DNAH3: variants seen among roughly 807,000 people sequenced by gnomAD.
DNAH3 encodes the protein dynein axonemal heavy chain 3.
Under a neutral mutation model 432.5 loss-of-function variants are expected in DNAH3, and 332 were observed. The ratio of observed to expected loss-of-function variants is 0.77; its 90% CI spans 0.70 to 0.84. DNAH3 has a LOEUF of 0.84. Ranked by LOEUF, DNAH3 falls within the 40% of genes least tolerant of loss-of-function variation. The pLI is 0.00. For synonymous variants in DNAH3, 1,956 were observed against 1,900.2 expected, an observed-to-expected ratio of 1.03 and a Z score of -0.76; for missense variants, 4,861 against 5,114.0, an observed-to-expected ratio of 0.95 and a Z score of 1.51.
intron 36 of DNAH3, among the ~76,000 whole-genome samples, chr16:21,032,546 C>T (rs1448810884): frequency 6.6e-6 from 1 of 152,158 alleles, no homozygotes; most frequent in Admixed American, 6.5e-5. Context: ...GGTGTTGTGG[C>T]TCATGCCTGT....
At chr16:21,032,746 G>C (rs1480581015) in intron 36 of DNAH3, among the ~76,000 whole-genome samples, 1 of 152,130 alleles carries the variant, frequency 6.6e-6, no homozygotes, top group Non-Finnish European at 1.5e-5. Context: ...CCAGGAGGCA[G>C]AGGTTGCAGT....
chr16:21,139,320 CTTTTTTTTTTTTTTTTTTT>C (rs9302391), intron 5 of DNAH3, among the ~76,000 whole-genome samples: 1 of 29,614 alleles, frequency 3.4e-5, no homozygotes, highest in Admixed American at 6.4e-4. Context: ...TTTCCTCATG[CTTTTTTTTTTTTTTTTTTT>C]TTTTTTTTTT....
At chr16:21,033,950 G>A (rs2089026671) in intron 36 of DNAH3, 24 bp downstream of exon 36, 16 of 1,573,562 alleles carry the variant, frequency 1.0e-5, no homozygotes, top group Non-Finnish European at 1.2e-5. Context: ...TGTCCTCCCT[G>A]GAAGCCAGGG....
At chr16:20,981,850 A>G (rs902715601) in intron 49 of DNAH3, among the ~76,000 whole-genome samples, 2 of 151,810 alleles carry the variant, frequency 1.3e-5, no homozygotes, top group East Asian at 3.9e-4. Flanking sequence ...GCCTTCATGG[A>G]ACATCCAGAA....
chr16:21,074,938 A>C (rs149546669), intron 21 of DNAH3, among the ~76,000 whole-genome samples: 6 of 152,344 alleles, frequency 3.9e-5, no homozygotes, highest in African/African-American at 1.4e-4. Context: ...AAGTGAAAAG[A>C]AAGAAACCTA....
chr16:20,936,724 T>G, exon 60 of DNAH3: 1 of 1,609,618 alleles, frequency 6.2e-7, no homozygotes, highest in Non-Finnish European at 8.5e-7. Context: ...AAGACTTGGC[T>G]GCCCACATGG....
At chr16:21,049,930 C>T in exon 30 of DNAH3, 1 of 1,614,134 alleles carries the variant, frequency 6.2e-7, no homozygotes, top group Non-Finnish European at 8.5e-7. Flanking sequence ...AAGGCTTTGG[C>T]CAAATCTTTG....
At chr16:21,112,053 C>T (rs531442641) in exon 13 of DNAH3, 81 of 1,613,586 alleles carry the variant, frequency 5.0e-5, no homozygotes, top group Middle Eastern at 3.3e-4. Context: ...TTTGCTCTGC[C>T]GTGTTATCCA....
chr16:21,135,909 A>G (rs2092635952), intron 6 of DNAH3, among the ~76,000 whole-genome samples: 1 of 151,958 alleles, frequency 6.6e-6, no homozygotes, highest in African/African-American at 2.4e-5. Context: ...TAAACTTACA[A>G]ATGTAGAATC....
rs138715174 is a variant in DNAH3 at position 21,141,362 on chromosome 16, GCTT to G, written c.456_458del (p.Arg152del). On this transcript the variant is annotated inframe_deletion, in exon 4 of 62. Transcript: ENST00000261383. Reference sequence around the variant, plus strand: ...TTTTTTTCCTCATGGGCTCTGATGAGCTTCTATTTCCTGGAAGAATGGAGAAGA... The same window carrying G: ...TTTTTTTCCTCATGGGCTCTGATGAGCTATTTCCTGGAAGAATGGAGAAGA... The G allele has an allele frequency of 4.8e-4, 767 of 1,588,412 alleles. 3 individuals carry two copies. In the African/African-American group the frequency reaches 9.3e-3, roughly 19 times the overall value.
At position 21,078,999 on chromosome 16, in the gene DNAH3, G is replaced by A. The variant is rs114831835; in HGVS notation, c.2969+2637C>T. Among the ~76,000 whole-genome samples the A allele has an allele frequency of 5.5e-3, 845 of 152,260 alleles. 9 individuals carry two copies. The highest frequency in any genetic ancestry group is 0.019 in the African/African-American group (779 of 41,548). On this transcript the variant is annotated intron_variant, in intron 20 of 61. Coordinates refer to ENST00000261383, the Ensembl canonical transcript of DNAH3. ...ACAAATGGAACCAAGGCGCACAGAA[G>A]GAAACAACTTAGCCAAGATGCTTCC... is the stretch of plus-strand genomic sequence containing the variant.
intron 41 of DNAH3, among the ~76,000 whole-genome samples, chr16:21,010,584 C>G (rs2087545362): frequency 6.6e-6 from 1 of 152,084 alleles, no homozygotes; most frequent in African/African-American, 2.4e-5. Context: ...AGTGTAGTTC[C>G]TCCAGCACTT....
At chr16:20,965,290 T>C in exon 53 of DNAH3, 3 of 1,613,524 alleles carry the variant, frequency 1.9e-6, no homozygotes, top group Non-Finnish European at 2.5e-6. Context: ...TTCCGGGTGA[T>C]TGATAAACCT....
At position 20,985,374 on chromosome 16, in the gene DNAH3, G is replaced by T. The variant is rs770545811; in HGVS notation, c.7368C>A (p.Tyr2456Ter). The T allele has an allele frequency of 6.2e-7, 1 of 1,614,122 alleles. No homozygotes were observed. The highest frequency in any genetic ancestry group is 8.5e-7 in the Non-Finnish European group (1 of 1,180,010). Residue 2456 changes from tyrosine to a stop codon, truncating the protein, a stop_gained, in exon 48 of 62, where the codon TAC (tyrosine) becomes TAA (stop). Transcript: ENST00000261383. LOFTEE classifies it high-confidence loss of function. ...CGTAGTTCTTGGTGATCTCAATCTGGTATAGCTCGTATGCGTTCATGAATG... is the reference window on the plus strand; with the variant it reads ...CGTAGTTCTTGGTGATCTCAATCTGTTATAGCTCGTATGCGTTCATGAATG...
At chr16:20,965,238 C>A (rs2085001638) in exon 53 of DNAH3, 1 of 1,613,202 alleles carries the variant, frequency 6.2e-7, no homozygotes, top group African/African-American at 1.3e-5. Context: ...TGCACAGACC[C>A]TCGCAGGCCG....
intron 18 of DNAH3, 133 bp from the exon 19 acceptor site, chr16:21,087,193 AAACCTG>A: frequency 9.5e-6 from 7 of 734,844 alleles, no homozygotes; most frequent in Admixed American, 2.4e-5. Flanking sequence ...TGAGGATCTG[AAACCTG>A]CACTTAGCCA....
intron 41 of DNAH3, among the ~76,000 whole-genome samples, chr16:21,008,364 A>G (rs1417366920): frequency 1.3e-5 from 2 of 152,038 alleles, no homozygotes; most frequent in African/African-American, 4.8e-5. Flanking sequence ...TTTCTTTCCT[A>G]TAGCCTTAAT....
At chr16:20,938,901 T>G (rs2083697942) in intron 59 of DNAH3, among the ~76,000 whole-genome samples, 1 of 152,060 alleles carries the variant, frequency 6.6e-6, no homozygotes, top group Non-Finnish European at 1.5e-5. Context: ...CTCAGTCTCC[T>G]GAGTAGCTGG....
At chr16:21,027,803 G>A (rs1027708762) in intron 37 of DNAH3, among the ~76,000 whole-genome samples, 8 of 152,182 alleles carry the variant, frequency 5.3e-5, no homozygotes, top group South Asian at 2.1e-4. Context: ...ATGAAGAATC[G>A]AGAAGTTATC....
Sources: gnomAD v4.1 joint callset for allele counts (sites outside exome capture counted in the v4.1 genomes callset) on GRCh38, gnomAD v4.1.1 for gene constraint, MANE v1.5 for transcripts, NCBI Gene and HGNC (gene_info 2026-07-23, HGNC 2026-07-21) for gene names.